Variants in KIF26B observed in about 807,000 individuals in gnomAD.
The protein encoded by KIF26B is kinesin-like protein KIF26B.
KIF26B carries 63 observed loss-of-function variants against 151.2 expected under a neutral mutation model. The ratio of observed to expected loss-of-function variants is 0.42; its 90% confidence interval spans 0.34 to 0.51. The LOEUF is 0.51. KIF26B is among the 20% of genes least tolerant of loss of function. KIF26B has a pLI of 0.07. For synonymous variants in KIF26B, 1,357 were observed against 1,262.1 expected (o/e 1.08, Z -1.59); for missense variants, 2,813 against 2,913.6 (o/e 0.97, Z 0.79).
At chr1:245,514,857 C>T (rs1478073736) in intron 4 of KIF26B, among the ~76,000 whole-genome samples, 4 of 152,148 alleles carry the variant, frequency 2.6e-5, no homozygotes, top group Non-Finnish European at 5.9e-5. Flanking sequence ...TTAGGTTTTT[C>T]GAGAATTAAA....
intron 2 of KIF26B, among the ~76,000 whole-genome samples, chr1:245,331,080 C>T (rs1672099530): frequency 6.6e-6 from 1 of 152,058 alleles, no homozygotes; most frequent in Non-Finnish European, 1.5e-5. Context: ...AGAGCAGGAA[C>T]GCAGCCGCGG....
chr1:245,307,321 T>C (rs1443883689), intron 2 of KIF26B, among the ~76,000 whole-genome samples: 1 of 152,142 alleles, frequency 6.6e-6, no homozygotes, highest in African/African-American at 2.4e-5. Context: ...CTTAAATCCA[T>C]TTCAGCGAGG....
intron 10 of KIF26B, among the ~76,000 whole-genome samples, chr1:245,675,210 C>CT (rs1260395425): frequency 6.6e-6 from 1 of 152,200 alleles, no homozygotes; most frequent in Non-Finnish European, 1.5e-5. Flanking sequence ...ACGTGGAGCA[C>CT]TGCCAACCCA....
At chr1:245,178,561 C>T (rs369540741) in intron 2 of KIF26B, among the ~76,000 whole-genome samples, 3 of 152,180 alleles carry the variant, frequency 2.0e-5, no homozygotes, top group Non-Finnish European at 2.9e-5. Context: ...GCACGGCCAT[C>T]GCCACCATCC....
chr1:245,369,429 A>C, intron 3 of KIF26B, among the ~76,000 whole-genome samples: 1 of 152,234 alleles, frequency 6.6e-6, no homozygotes, highest in East Asian at 1.9e-4. Context: ...GTCTCTTGCT[A>C]TCTTGAAAGA....
At chr1:245,420,471 A>G (rs1019730468) in intron 4 of KIF26B, among the ~76,000 whole-genome samples, 1 of 152,238 alleles carries the variant, frequency 6.6e-6, no homozygotes, top group Admixed American at 6.5e-5. Flanking sequence ...TTTATAGCAC[A>G]GCCAGAAATA....
At chr1:245,316,321 ACCATGTT>A (rs1671774845) in intron 2 of KIF26B, among the ~76,000 whole-genome samples, 2 of 151,994 alleles carry the variant, frequency 1.3e-5, no homozygotes, top group African/African-American at 4.8e-5. Flanking sequence ...ATGGGGCCTC[ACCATGTT>A]GGCCAGGTTG....
chr1:245,440,381 C>T (rs190088319), intron 4 of KIF26B, among the ~76,000 whole-genome samples: 85 of 152,182 alleles, frequency 5.6e-4, no homozygotes, highest in Admixed American at 1.0e-3. Flanking sequence ...TCATTTGGCA[C>T]GTGGATAGAT....
At chr1:245,242,233 C>T (rs1670221328) in intron 2 of KIF26B, among the ~76,000 whole-genome samples, 1 of 149,456 alleles carries the variant, frequency 6.7e-6, no homozygotes, top group Non-Finnish European at 1.5e-5. Context: ...TCTATGCCTT[C>T]CCCCCCCAAA....
chr1:245,431,947 T>C (rs1451301075), intron 4 of KIF26B, among the ~76,000 whole-genome samples: 1 of 152,150 alleles, frequency 6.6e-6, no homozygotes, highest in Non-Finnish European at 1.5e-5. Flanking sequence ...GCTCTAGGCA[T>C]ATTGACCTCC....
intron 4 of KIF26B, among the ~76,000 whole-genome samples, chr1:245,445,398 G>T (rs1330680297): frequency 3.9e-5 from 6 of 152,216 alleles, no homozygotes; most frequent in African/African-American, 1.4e-4. Flanking sequence ...TAGAGATATA[G>T]ACTAAAATAC....
intron 2 of KIF26B, among the ~76,000 whole-genome samples, chr1:245,334,462 A>G (rs1672182337): frequency 6.6e-6 from 1 of 152,214 alleles, no homozygotes; most frequent in Non-Finnish European, 1.5e-5. Context: ...TGTCTTCTGC[A>G]AAGAGTGAAA....
chr1:245,678,608 A>G (rs2044385546), intron 10 of KIF26B, among the ~76,000 whole-genome samples: 1 of 152,192 alleles, frequency 6.6e-6, no homozygotes, highest in South Asian at 2.1e-4. Flanking sequence ...TCACGCCTGT[A>G]ATCCCAGCAC....
intron 2 of KIF26B, among the ~76,000 whole-genome samples, chr1:245,317,698 C>T (rs192005795): frequency 3.5e-4 from 54 of 152,270 alleles, no homozygotes; most frequent in African/African-American, 1.3e-3. Context: ...TTCACATTTC[C>T]GGTCCCTCTC....
chr1:245,180,319 G>A (rs965300337), intron 2 of KIF26B, among the ~76,000 whole-genome samples: 12 of 141,026 alleles, frequency 8.5e-5, no homozygotes, highest in African/African-American at 3.0e-4. Context: ...AGAGAGAGGA[G>A]TGGTTAAGAG....
chr1:245,317,901 C>T (rs1366758248), intron 2 of KIF26B, among the ~76,000 whole-genome samples: 2 of 152,114 alleles, frequency 1.3e-5, no homozygotes, highest in East Asian at 3.9e-4. Context: ...GTAGAGTGGC[C>T]GCTGGGTCTT....
chr1:245,455,703 T>A (rs1659503057), intron 4 of KIF26B, among the ~76,000 whole-genome samples: 1 of 152,190 alleles, frequency 6.6e-6, no homozygotes, highest in African/African-American at 2.4e-5. Flanking sequence ...CCAGAGAGTG[T>A]GAAGAAGTGA....
chr1:245,210,113 C>T lies in KIF26B; in HGVS notation c.465+53430C>T, dbSNP rs143456155. On this transcript the variant is annotated intron_variant, in intron 2 of 14. Coordinates refer to ENST00000407071, the MANE Select transcript of KIF26B (RefSeq NM_018012.4). ...GGAACAGAGGTGCAGATACAGGCTC[C>T]ACCCCTCTGGGACCATCAGCTCCCA... Among the ~76,000 whole-genome samples, 426 of 152,344 alleles carry T rather than the reference C, an allele frequency of 2.8e-3. 2 individuals are homozygous for T. Among genetic ancestry groups the T allele is most frequent in the Middle Eastern group, 6.8e-3 (2 of 294 alleles).
At chr1:245,267,300 A>G (rs996428328) in intron 2 of KIF26B, among the ~76,000 whole-genome samples, 39 of 152,252 alleles carry the variant, frequency 2.6e-4, no homozygotes, top group African/African-American at 9.4e-4. Flanking sequence ...CAGAATAACA[A>G]AGGTTATTAC....
Sources: allele counts gnomAD v4.1 joint callset (sites outside exome capture counted in the v4.1 genomes callset), GRCh38; gene constraint gnomAD v4.1.1; transcripts MANE v1.5; gene names NCBI Gene and HGNC (gene_info 2026-07-23, HGNC 2026-07-21).